Variants in FCRL3 observed in about 807,000 individuals in gnomAD.
The protein encoded by FCRL3 is Fc receptor-like protein 3.
A neutral mutation model predicts 75.0 loss-of-function variants in FCRL3; 89 were observed. That is an observed-to-expected ratio of 1.19 (90% CI 1.00 to 1.42). FCRL3 has a LOEUF of 1.42. Among genes scored for constraint, FCRL3 ranks in the 40% most tolerant of loss-of-function variants. FCRL3 has a pLI of 0.00. For synonymous variants in FCRL3, 376 were observed against 348.5 expected (o/e 1.08, Z -0.88); for missense variants, 946 against 880.0 (o/e 1.07, Z -0.95).
At chr1:157,682,320 T>C (rs938050647) in intron 11 of FCRL3, among the ~76,000 whole-genome samples, 2 of 152,190 alleles carry the variant, frequency 1.3e-5, no homozygotes, top group African/African-American at 4.8e-5. Flanking sequence ...TCCTTGCCCA[T>C]GCCTATGTCC....
At position 157,678,523 on chromosome 1, in the gene FCRL3, T is replaced by A. The variant is rs1654605567; in HGVS notation, c.*187A>T. ...ACACAGTGCTTGCTCAGAGGCTGCC[T>A]GCTCTCTTCCTGGGGAACACACAGA... is the stretch of plus-strand genomic sequence containing the variant. On this transcript the variant is annotated 3_prime_UTR_variant, in exon 15 of 15. Transcript: ENST00000368184. 7.0e-7 allele frequency: 1 copy of A among 1,438,512 alleles called. No individual in the cohort carries two copies. The highest frequency in any genetic ancestry group is 1.4e-5 in the African/African-American group (1 of 69,908). The allele number at this position is 1,438,512 out of a possible 1,614,324, so 89.1% of individuals were successfully genotyped here.
In FCRL3 at chr1:157,677,868, GT is replaced by G; in HGVS notation, c.*841del. 1.2e-6 allele frequency: 1 copy of G among 804,514 alleles called. No individual in the cohort carries two copies. The highest frequency in any genetic ancestry group is 1.5e-6 in the Non-Finnish European group (1 of 665,766). 49.8% of individuals were successfully genotyped at this position (804,514 alleles called of 1,614,324 possible). ...AATAATGAACATGAGATTTAGAATG[GT>G]TTTTTATCAGATGGAGTGAGGTAGA... On this transcript the variant is annotated 3_prime_UTR_variant, in exon 15 of 15. Transcript: ENST00000368184.
In FCRL3 at chr1:157,700,451, C is replaced by G; in HGVS notation, c.31+8G>C. On this transcript the variant is annotated splice_region_variant and intron_variant, in intron 2 of 14. Transcript: ENST00000368184. ...AGGCCGTGGCCCCATTATAGCCCAT[C>G]TACTCACTCAGGATCAGCAGCAGCA... The G allele has an allele frequency of 6.2e-7, 1 of 1,614,014 alleles. No homozygotes were observed. The highest frequency in any genetic ancestry group is 8.5e-7 in the Non-Finnish European group (1 of 1,179,972).
intron 10 of FCRL3, among the ~76,000 whole-genome samples, chr1:157,688,249 GA>G (rs564909095): frequency 1.3e-5 from 2 of 151,994 alleles, no homozygotes; most frequent in Admixed American, 6.6e-5. Flanking sequence ...CAAAAGGATG[GA>G]AAAAAATCAC....
chr1:157,697,263 T>A lies in FCRL3; in HGVS notation c.721A>T (p.Arg241Trp). ...DSQTLGLGWS[R>W]SPRLQIPAMW... ...GCAGGGATCTGGAGTCTGGGGGACC[T>A]GCTCCAGCCCAATCCGAGGGTCTGG... Residue 241 changes from arginine to tryptophan, a missense_variant, in exon 6 of 15, where the codon AGG (arginine) becomes TGG (tryptophan). Physicochemically the swap from Arg to Trp is moderately radical, Grantham distance 101 (BLOSUM62 -3). Transcript: ENST00000368184. 2 of 1,611,568 alleles carry A rather than the reference T, an allele frequency of 1.2e-6. No individual in the cohort carries two copies. Among genetic ancestry groups the A allele is most frequent in the Non-Finnish European group, 1.7e-6 (2 of 1,178,492 alleles).
intron 6 of FCRL3, 106 bp from the exon 7 acceptor site, chr1:157,696,433 G>T: frequency 8.4e-7 from 1 of 1,185,738 alleles, no homozygotes; most frequent in Non-Finnish European, 1.2e-6. Flanking sequence ...AGGTGCAGCA[G>T]GCAGAAGCCC....
chr1:157,689,652 A>G (rs1654505480), intron 10 of FCRL3, 146 bp downstream of exon 10: 1 of 1,035,086 alleles, frequency 9.7e-7, no homozygotes. Flanking sequence ...TTTTTGCTAC[A>G]ATTGCCTACA....
At chr1:157,692,199 T>A (rs1655587662) in intron 8 of FCRL3, among the ~76,000 whole-genome samples, 1 of 152,126 alleles carries the variant, frequency 6.6e-6, no homozygotes, top group Non-Finnish European at 1.5e-5. Context: ...TTAATTTAAA[T>A]CATAAAATAT....
intron 8 of FCRL3, among the ~76,000 whole-genome samples, chr1:157,692,966 C>G (rs952860926): frequency 2.6e-5 from 4 of 152,094 alleles, no homozygotes; most frequent in African/African-American, 9.7e-5. Context: ...AAAGTTTAAA[C>G]ATGTTCGATA....
At chr1:157,681,491 T>C (rs1174390763) in intron 11 of FCRL3, among the ~76,000 whole-genome samples, 3 of 146,990 alleles carry the variant, frequency 2.0e-5, no homozygotes, top group East Asian at 2.1e-4. Flanking sequence ...GAACATGCGG[T>C]GTTTGGTTTT....
intron 5 of FCRL3, 115 bp from the exon 6 acceptor site, chr1:157,697,539 C>A (rs1275971714): frequency 4.1e-6 from 6 of 1,457,964 alleles, no homozygotes; most frequent in East Asian, 2.3e-5. Context: ...CAGAAGGAAC[C>A]ATCTCCCTCC....
Position 157,678,592 on chromosome 1 carries a change from T to C in FCRL3, c.*118A>G, listed in dbSNP as rs908609626. 1 of 1,536,852 alleles carries C rather than the reference T, an allele frequency of 6.5e-7. No homozygotes were observed. Among genetic ancestry groups the C allele is most frequent in the East Asian group, 2.2e-5 (1 of 44,462 alleles). Reference sequence around the variant, plus strand: ...TGCAGACCTTTTGCTCAGCCTCACATACCCTGCAGCCCAGCCTCGTAGGAG... The same window carrying C: ...TGCAGACCTTTTGCTCAGCCTCACACACCCTGCAGCCCAGCCTCGTAGGAG... On this transcript the variant is annotated 3_prime_UTR_variant, in exon 15 of 15. Coordinates refer to ENST00000368184, the MANE Select transcript of FCRL3 (RefSeq NM_052939.4).
At chr1:157,683,008 A>T (rs753141139) in intron 11 of FCRL3, among the ~76,000 whole-genome samples, 1 of 152,240 alleles carries the variant, frequency 6.6e-6, no homozygotes, top group African/African-American at 2.4e-5. Flanking sequence ...ATAGATAGCC[A>T]ATAACATGTA....
chr1:157,679,830 CAAA>C (rs1166825112), intron 13 of FCRL3, among the ~76,000 whole-genome samples: 4 of 49,904 alleles, frequency 8.0e-5, no homozygotes, highest in African/African-American at 3.7e-4. Flanking sequence ...CCCCATCTCA[CAAA>C]AAAAAAAAAA....
At position 157,697,281 on chromosome 1, in the gene FCRL3, G is replaced by A. The variant is rs775060165; in HGVS notation, c.703C>T (p.Leu235Phe). 1 of 1,612,600 alleles carries A rather than the reference G, an allele frequency of 6.2e-7. No individual in the cohort carries two copies. Among genetic ancestry groups the A allele is most frequent in the South Asian group, 1.1e-5 (1 of 90,818 alleles). Reference protein sequence around the residue: ...QFSLFRDSQTLGLGWSRSPRL... With the variant: ...QFSLFRDSQTFGLGWSRSPRL... ...GGGGACCTGCTCCAGCCCAATCCGA[G>A]GGTCTGGCTATCTCTGAAGAGGGAG... The change falls in exon 6 of 15, where the codon CTC (leucine) becomes TTC (phenylalanine). Residue 235 changes from leucine (L) to phenylalanine (F), a missense_variant. Leu to Phe is a conservative substitution (Grantham distance 22). Coordinates refer to ENST00000368184, the MANE Select transcript of FCRL3 (RefSeq NM_052939.4).
Position 157,676,688 on chromosome 1 carries a change from TCA to T in FCRL3, c.*2020_*2021del. ...AGTTAGGACTCACCCCTTCTTCCAC[TCA>T]CATACTCTGATTTGCACAGGGCTAA... is the stretch of plus-strand genomic sequence containing the variant. On this transcript the variant is annotated 3_prime_UTR_variant, in exon 15 of 15. Coordinates refer to ENST00000368184, the MANE Select transcript of FCRL3 (RefSeq NM_052939.4). 1 of 1,547,434 alleles carries T rather than the reference TCA, an allele frequency of 6.5e-7. No individual in the cohort carries two copies. Among genetic ancestry groups the T allele is most frequent in the Non-Finnish European group, 8.7e-7 (1 of 1,144,228 alleles).
chr1:157,700,491 G>A lies in FCRL3; in HGVS notation c.-2C>T. The A allele has an allele frequency of 3.1e-6, 5 of 1,614,040 alleles. No homozygotes were observed. The highest frequency in any genetic ancestry group is 4.2e-6 in the Non-Finnish European group (5 of 1,179,978). On this transcript the variant is annotated 5_prime_UTR_variant, in exon 2 of 15. Coordinates refer to ENST00000368184, the MANE Select transcript of FCRL3 (RefSeq NM_052939.4). ...CAGCAGCAGCAGCCACAGAAGCATG[G>A]GCACCGGCCGGGCAGAGGGTTGGGA...
chr1:157,680,426 A>G (rs1654762775), intron 13 of FCRL3, among the ~76,000 whole-genome samples: 1 of 152,240 alleles, frequency 6.6e-6, no homozygotes, highest in South Asian at 2.1e-4. Flanking sequence ...AATTCAAACA[A>G]TATTTTAGGG....
Position 157,700,513 on chromosome 1 carries a change from G to T in FCRL3, c.-24C>A, listed in dbSNP as rs1656252134. 6.2e-7 allele frequency: 1 copy of T among 1,613,978 alleles called. No individual in the cohort carries two copies. The highest frequency in any genetic ancestry group is 8.5e-7 in the Non-Finnish European group (1 of 1,179,950). On this transcript the variant is annotated 5_prime_UTR_variant, in exon 2 of 15. Coordinates refer to ENST00000368184, the MANE Select transcript of FCRL3 (RefSeq NM_052939.4). The stretch of plus-strand genomic sequence containing the variant: ...ATGGGCACCGGCCGGGCAGAGGGTT[G>T]GGAAAGTCTGTCTCACCAAAAGCCC...
Sources: gnomAD v4.1 joint callset for allele counts (sites outside exome capture counted in the v4.1 genomes callset) on GRCh38, gnomAD v4.1.1 for gene constraint, MANE v1.5 for transcripts, NCBI Gene and HGNC (gene_info 2026-07-23, HGNC 2026-07-21) for gene names.